PIK3C2G: variants seen among roughly 807,000 people sequenced by gnomAD.
PIK3C2G encodes phosphatidylinositol 3-kinase C2 domain-containing subunit gamma.
In PIK3C2G, 168 loss-of-function variants were observed where a neutral mutation model predicts 181.1. The observed-to-expected ratio is 0.93, with a 90% CI of 0.82 to 1.05. PIK3C2G has a LOEUF of 1.05. Ranked by LOEUF, PIK3C2G falls within the 50% of genes least tolerant of loss-of-function variation. The probability of loss-of-function intolerance (pLI) is 0.00; values close to 1 mark genes in which losing one functional copy is unlikely to be tolerated. For synonymous variants in PIK3C2G, 573 were observed against 592.2 expected, an observed-to-expected ratio of 0.97 and a Z score of 0.47; for missense variants, 1,869 against 1,732.8, an observed-to-expected ratio of 1.08 and a Z score of -1.40.
intron 25 of PIK3C2G, among the ~76,000 whole-genome samples, chr12:18,545,302 G>T (rs1214048804): frequency 6.6e-6 from 1 of 151,770 alleles, no homozygotes; most frequent in African/African-American, 2.4e-5. Flanking sequence ...TGGGAAAAAA[G>T]AATAGTTTTT....
chr12:18,538,084 T>C (rs1943953717), intron 24 of PIK3C2G, 72 bp from the exon 25 acceptor site: 2 of 1,388,520 alleles, frequency 1.4e-6, no homozygotes, highest in South Asian at 2.6e-5. Context: ...AAATAAGTCG[T>C]TATAACTGCT....
the PIK3C2G span, among the ~76,000 whole-genome samples, chr12:18,707,814 A>G: frequency 2.6e-5 from 4 of 152,254 alleles, no homozygotes; most frequent in South Asian, 8.3e-4. Context: ...AGTCTCATTG[A>G]GTCTCCACTG....
intron 8 of PIK3C2G, 105 bp from the exon 9 acceptor site, chr12:18,338,321 T>C (rs1938749096): frequency 1.1e-6 from 1 of 886,228 alleles, no homozygotes; most frequent in South Asian, 1.8e-5. Flanking sequence ...AACAAGCATA[T>C]TTTATTCCAC....
At chr12:18,395,682 G>C (rs1943842840) in intron 15 of PIK3C2G, among the ~76,000 whole-genome samples, 1 of 150,772 alleles carries the variant, frequency 6.6e-6, no homozygotes, top group African/African-American at 2.4e-5. Context: ...ATGTACTCTG[G>C]TTTATAATGT....
chr12:18,548,203 T>A, intron 26 of PIK3C2G, among the ~76,000 whole-genome samples: 1 of 151,790 alleles, frequency 6.6e-6, no homozygotes, highest in Non-Finnish European at 1.5e-5. Flanking sequence ...ACACAATGAT[T>A]GACATGTCAG....
intron 24 of PIK3C2G, among the ~76,000 whole-genome samples, chr12:18,518,644 G>C (rs1409538590): frequency 2.6e-5 from 4 of 151,600 alleles, no homozygotes; most frequent in Non-Finnish European, 4.4e-5. Flanking sequence ...TATTATTCTA[G>C]ATAGCTATCT....
Position 18,406,438 on chromosome 12 carries a change from T to C in PIK3C2G, c.2315+6591T>C, listed in dbSNP as rs1174183693. Among the ~76,000 whole-genome samples, 3 of 152,188 alleles carry C rather than the reference T, an allele frequency of 2.0e-5. No individual in the cohort carries two copies. The East Asian group carries it at 5.8e-4, about 29-fold the overall frequency. ...GTCGTATTTTAATAGTGAAGTTAGA[T>C]TCCATACTTCAAGTTCCTAAAAAGG... On this transcript the variant is annotated intron_variant, in intron 16 of 32. Transcript: ENST00000538779.
At chr12:18,495,992 A>G (rs1025513600) in intron 20 of PIK3C2G, 70 bp from the exon 21 acceptor site, 31 of 715,982 alleles carry the variant, frequency 4.3e-5, no homozygotes, top group Non-Finnish European at 5.9e-5. Context: ...TTTGGGGAAA[A>G]GGTTTGCTTT....
At chr12:18,419,515 C>T (rs1157059771) in intron 16 of PIK3C2G, among the ~76,000 whole-genome samples, 1 of 152,146 alleles carries the variant, frequency 6.6e-6, no homozygotes, top group Non-Finnish European at 1.5e-5. Flanking sequence ...TGTACTAAAA[C>T]AAGCTGAACT....
chr12:18,485,160 G>C (rs1362022978), intron 18 of PIK3C2G, among the ~76,000 whole-genome samples: 1 of 152,148 alleles, frequency 6.6e-6, no homozygotes, highest in East Asian at 1.9e-4. Context: ...TTACGGCCTG[G>C]ATTGAATGAG....
chr12:18,359,773 G>C (rs981037168), intron 11 of PIK3C2G, among the ~76,000 whole-genome samples: 1 of 152,002 alleles, frequency 6.6e-6, no homozygotes, highest in African/African-American at 2.4e-5. Context: ...GGCCACCCCT[G>C]CTCCCCTTGG....
intron 1 of PIK3C2G, among the ~76,000 whole-genome samples, chr12:18,279,321 T>A (rs1949116071): frequency 6.6e-6 from 1 of 152,030 alleles, no homozygotes; most frequent in African/African-American, 2.4e-5. Flanking sequence ...TTAAAACATG[T>A]GAATATCTAC....
At position 18,594,627 on chromosome 12, in the gene PIK3C2G, GAT is replaced by G. The variant is rs1352222195; in HGVS notation, c.4087+61_4087+62del. The G allele has an allele frequency of 3.4e-5, 30 of 883,212 alleles. No homozygotes were observed. The African/African-American group carries it at 5.0e-4, about 15-fold the overall frequency. 54.7% of individuals were successfully genotyped at this position (883,212 alleles called of 1,614,324 possible). A position where few individuals can be genotyped will look rare whatever the true frequency, so the allele number is the denominator to read the frequency against. On this transcript the variant is annotated intron_variant, in intron 30 of 32. Coordinates refer to ENST00000538779, the MANE Select transcript of PIK3C2G (RefSeq NM_001288772.2). The stretch of plus-strand genomic sequence containing the variant: ...GATTTTCAAAATAATTGGACAAAAA[GAT>G]ATCACAACTAATTTTTTTCAATTTT...
chr12:18,310,630 A>G (rs1950598768), intron 5 of PIK3C2G, among the ~76,000 whole-genome samples: 1 of 151,938 alleles, frequency 6.6e-6, no homozygotes, highest in South Asian at 2.1e-4. Flanking sequence ...GCTTTAAGAT[A>G]TGTTTCCTTT....
At position 18,497,639 on chromosome 12, in the gene PIK3C2G, G is replaced by A; in HGVS notation, c.2907G>A (p.Gln969=). 1 of 1,612,944 alleles carries A rather than the reference G, an allele frequency of 6.2e-7. No homozygotes were observed. The highest frequency in any genetic ancestry group is 1.1e-5 in the South Asian group (1 of 90,986). The part of the protein sequence containing the change: ...IIFKAGDDLR[Q]DMLVLQLIQV... ...AACAGGCTGGAGATGATCTTCGTCA[G>A]GATATGCTTGTTCTGCAGCTTATTC... Residue 969 remains glutamine (Q), a synonymous_variant, in exon 22 of 33, where the codon CAG becomes CAA. Transcript: ENST00000538779.
intron 31 of PIK3C2G, among the ~76,000 whole-genome samples, chr12:18,637,694 G>A (rs1221093791): frequency 2.0e-5 from 3 of 152,194 alleles, no homozygotes; most frequent in Admixed American, 6.5e-5. Context: ...AGAGAAGAGT[G>A]ATCACAGAGC....
the PIK3C2G span, chr12:18,696,161 C>T: frequency 3.4e-5 from 52 of 1,530,918 alleles, 1 homozygote; most frequent in South Asian, 1.6e-4. Context: ...CATTTGACAA[C>T]CTATATTCCA....
intron 1 of PIK3C2G, among the ~76,000 whole-genome samples, chr12:18,273,269 G>A (rs908838852): frequency 2.0e-5 from 3 of 152,066 alleles, no homozygotes; most frequent in Non-Finnish European, 4.4e-5. Flanking sequence ...GTTTGTCAAC[G>A]ATCACATAGT....
At chr12:18,291,802 T>C (rs1252379398) in intron 4 of PIK3C2G, among the ~76,000 whole-genome samples, 1 of 151,702 alleles carries the variant, frequency 6.6e-6, no homozygotes, top group Admixed American at 6.6e-5. Flanking sequence ...CTAATGCAGA[T>C]GACTCCAATC....
Sources: allele counts gnomAD v4.1 joint callset (sites outside exome capture counted in the v4.1 genomes callset), GRCh38; gene constraint gnomAD v4.1.1; transcripts MANE v1.5; gene names NCBI Gene and HGNC (gene_info 2026-07-23, HGNC 2026-07-21).